LTBP1: variants seen among roughly 807,000 people sequenced by gnomAD.
The protein encoded by LTBP1 is latent-transforming growth factor beta-binding protein 1.
LTBP1 carries 129 observed loss-of-function variants against 207.6 expected under a neutral mutation model. The observed-to-expected ratio is 0.62, with a 90% CI of 0.54 to 0.72. LTBP1 has a LOEUF of 0.72. LTBP1 is among the 30% of genes least tolerant of loss of function. LTBP1 has a pLI of 0.00. For missense variants in LTBP1, 2,281 were observed against 2,217.2 expected (o/e 1.03, Z -0.58); for synonymous variants, 963 against 833.7 (o/e 1.16, Z -2.67).
Position 33,257,468 on chromosome 2 carries a change from G to A in LTBP1, c.2352G>A (p.Leu784=). ...CCAAGGAAGAGCCAGTGGAGGCCCT[G>A]ACCTTCTCCCGGGAACACGGGCCAG... ...LPAKEEPVEA[L]TFSREHGPGV... Residue 784 remains leucine, a synonymous_variant, in exon 12 of 34, where the codon CTG becomes CTA. Coordinates refer to ENST00000404816, the MANE Select transcript of LTBP1 (RefSeq NM_206943.4). 3.1e-6 allele frequency: 5 copies of A among 1,614,204 alleles called. No homozygotes were observed. The highest frequency in any genetic ancestry group is 3.4e-6 in the Non-Finnish European group (4 of 1,180,014).
intron 7 of LTBP1, 62 bp downstream of exon 7, chr2:33,188,913 G>A (rs916737159): frequency 5.9e-6 from 9 of 1,524,004 alleles, no homozygotes; most frequent in South Asian, 1.2e-5. Context: ...ATTTTAACAA[G>A]AAAGCCAGAC....
chr2:33,064,034 A>T (rs1042698239), intron 3 of LTBP1, among the ~76,000 whole-genome samples: 8 of 152,094 alleles, frequency 5.3e-5, no homozygotes, highest in African/African-American at 1.9e-4. Context: ...TTGTAATTTT[A>T]GTTGAGACGG....
chr2:33,106,614 C>T lies in LTBP1; in HGVS notation c.864-3968C>T, dbSNP rs13427374. Among the ~76,000 whole-genome samples, 1,167 of 144,598 alleles carry T rather than the reference C, an allele frequency of 8.1e-3. 9 individuals are homozygous for T. Among genetic ancestry groups the T allele is most frequent in the Middle Eastern group, 0.011 (3 of 274 alleles). 94.9% of individuals were successfully genotyped at this position (144,598 alleles called of 152,430 possible). A position where few individuals can be genotyped will look rare whatever the true frequency, so the allele number is the denominator to read the frequency against. Reference sequence around the variant, plus strand: ...TACTATTTTGAAAGGAAATCTTTTTCTTTTTTTTTTTTCCCTGAAAAGTAG... The same window carrying T: ...TACTATTTTGAAAGGAAATCTTTTTTTTTTTTTTTTTTCCCTGAAAAGTAG... On this transcript the variant is annotated intron_variant, in intron 3 of 33. Coordinates refer to ENST00000404816, the MANE Select transcript of LTBP1 (RefSeq NM_206943.4).
chr2:33,115,717 A>T (rs1341859057), intron 4 of LTBP1, among the ~76,000 whole-genome samples: 4 of 152,160 alleles, frequency 2.6e-5, no homozygotes, highest in Non-Finnish European at 2.9e-5. Flanking sequence ...TATTGTGTTT[A>T]GTTTAGTAAT....
Position 33,378,317 on chromosome 2 carries a change from C to G in LTBP1, c.4712-10867C>G, listed in dbSNP as rs538618506. On this transcript the variant is annotated intron_variant, in intron 31 of 33. Transcript: ENST00000404816. The stretch of plus-strand genomic sequence containing the variant: ...CTCGGCTCACTGAAACTTCTGCCTC[C>G]TGGGTTCAAGCGATTCACCTGCCAC... Among the ~76,000 whole-genome samples the G allele has an allele frequency of 1.7e-3, 260 of 151,918 alleles. 2 individuals carry two copies. The highest frequency in any genetic ancestry group is 2.8e-3 in the Non-Finnish European group (191 of 67,998).
At chr2:33,253,466 C>G (rs1284870458) in intron 11 of LTBP1, among the ~76,000 whole-genome samples, 1 of 152,032 alleles carries the variant, frequency 6.6e-6, no homozygotes, top group African/African-American at 2.4e-5. Context: ...ATACCTTCTA[C>G]CAATGAACCA....
At chr2:33,002,284 G>T (rs968066455) in intron 2 of LTBP1, among the ~76,000 whole-genome samples, 1 of 152,342 alleles carries the variant, frequency 6.6e-6, no homozygotes, top group South Asian at 2.1e-4. Context: ...AATGCAAGGG[G>T]TGAGTTAATA....
chr2:33,000,339 C>A (rs1277498455), intron 2 of LTBP1, among the ~76,000 whole-genome samples: 1 of 134,936 alleles, frequency 7.4e-6, no homozygotes, highest in African/African-American at 2.6e-5. Flanking sequence ...GTATACCGAG[C>A]TACGGAATCC....
chr2:33,086,096 C>CT (rs371864254), intron 3 of LTBP1, among the ~76,000 whole-genome samples: 15 of 152,360 alleles, frequency 9.8e-5, no homozygotes, highest in African/African-American at 3.1e-4. Flanking sequence ...AGGCATTGCT[C>CT]TAAGTGCTGT....
At position 33,318,706 on chromosome 2, in the gene LTBP1, C is replaced by G. The variant is rs574346028; in HGVS notation, c.3730+3437C>G. Among the ~76,000 whole-genome samples the G allele has an allele frequency of 4.6e-5, 7 of 152,304 alleles. No individual in the cohort carries two copies. In the South Asian group the frequency reaches 1.5e-3, roughly 32 times the overall value. On this transcript the variant is annotated intron_variant, in intron 24 of 33. Coordinates refer to ENST00000404816, the MANE Select transcript of LTBP1 (RefSeq NM_206943.4). Reference sequence around the variant, plus strand: ...TAGTTCATCTCCTCCTGCCACCTTCCTTTCACGCTATAGCCAGAGCTTTTA... The same window carrying G: ...TAGTTCATCTCCTCCTGCCACCTTCGTTTCACGCTATAGCCAGAGCTTTTA...
chr2:33,273,626 T>A, intron 15 of LTBP1, 30 bp from the exon 16 acceptor site: 2 of 1,563,876 alleles, frequency 1.3e-6, no homozygotes, highest in Non-Finnish European at 1.7e-6. Flanking sequence ...TTCTGTGGGT[T>A]TTTTCACATT....
At chr2:33,159,509 A>G (rs1374788208) in intron 5 of LTBP1, among the ~76,000 whole-genome samples, 2 of 152,102 alleles carry the variant, frequency 1.3e-5, no homozygotes, top group Admixed American at 6.5e-5. Context: ...AATTCATTCA[A>G]CTCTTAAAAT....
At chr2:33,170,903 T>C (rs1033315106) in intron 5 of LTBP1, among the ~76,000 whole-genome samples, 27 of 152,214 alleles carry the variant, frequency 1.8e-4, no homozygotes, top group African/African-American at 3.4e-4. Flanking sequence ...GCAAACAGGG[T>C]CTGGAGTGGA....
At chr2:33,250,505 G>A (rs2092652759) in intron 10 of LTBP1, among the ~76,000 whole-genome samples, 1 of 152,132 alleles carries the variant, frequency 6.6e-6, no homozygotes, top group South Asian at 2.1e-4. Context: ...GGAACCAAGG[G>A]AGCCTGCTCA....
At chr2:32,959,312 G>A (rs953990514) in intron 2 of LTBP1, among the ~76,000 whole-genome samples, 3 of 151,950 alleles carry the variant, frequency 2.0e-5, no homozygotes, top group South Asian at 2.1e-4. Flanking sequence ...GGCTGGAGGC[G>A]ACTCTTCGGA....
At chr2:33,262,920 T>G (rs1420375914) in intron 14 of LTBP1, 99 bp downstream of exon 14, 2 of 718,326 alleles carry the variant, frequency 2.8e-6, no homozygotes, top group Non-Finnish European at 4.7e-6. Flanking sequence ...ATTACTAGAC[T>G]TCATAACTGA....
At chr2:33,065,415 G>T (rs1014039551) in intron 3 of LTBP1, among the ~76,000 whole-genome samples, 20 of 152,062 alleles carry the variant, frequency 1.3e-4, no homozygotes, top group African/African-American at 4.8e-4. Context: ...TTAGCTGGGT[G>T]TGGTGGTGCA....
At chr2:33,108,944 T>C (rs1390869327) in intron 3 of LTBP1, among the ~76,000 whole-genome samples, 1 of 152,218 alleles carries the variant, frequency 6.6e-6, no homozygotes, top group Non-Finnish European at 1.5e-5. Flanking sequence ...CCTCAGGCTT[T>C]TAGTAATTTA....
rs1323676134 is a variant in LTBP1, at chr2:33,301,586, T to A, written c.3423T>A (p.Ser1141=). 1 of 1,613,132 alleles carries A rather than the reference T, an allele frequency of 6.2e-7. No homozygotes were observed. Among genetic ancestry groups the A allele is most frequent in the African/African-American group, 1.3e-5 (1 of 74,906 alleles). Residue 1141 remains serine (S), a synonymous_variant, in exon 22 of 34, where the codon TCT becomes TCA. Coordinates refer to ENST00000404816, the MANE Select transcript of LTBP1 (RefSeq NM_206943.4). ...AHGQCRNTEG[S]FQCVCDQGYR... ...GGCAGTGCAGGAACACTGAGGGCTCTTTTCAATGTGTGTGTGACCAGGGTT... is the reference window on the plus strand; with the variant it reads ...GGCAGTGCAGGAACACTGAGGGCTCATTTCAATGTGTGTGTGACCAGGGTT...
Sources: gnomAD v4.1 joint callset for allele counts (sites outside exome capture counted in the v4.1 genomes callset) on GRCh38, gnomAD v4.1.1 for gene constraint, MANE v1.5 for transcripts, NCBI Gene and HGNC (gene_info 2026-07-23, HGNC 2026-07-21) for gene names.